The following FBXW12 variants were observed in gnomAD, a reference collection of about 807,000 sequenced individuals.
FBXW12 encodes F-box/WD repeat-containing protein 12.
In FBXW12, 43 loss-of-function variants were observed where a neutral mutation model predicts 55.3. The ratio of observed to expected loss-of-function variants is 0.78; its 90% CI spans 0.61 to 1.00. The LOEUF is 1.00. Among genes scored for constraint, FBXW12 ranks in the 50% least tolerant of loss-of-function variants. The pLI, the probability that FBXW12 is intolerant of heterozygous loss-of-function variation, is 0.00. For synonymous variants in FBXW12, 184 were observed against 203.8 expected (o/e 0.90, Z 0.83); for missense variants, 524 against 560.5 (o/e 0.93, Z 0.66).
At chr3:48,381,358 T>C (rs1295306935) in intron 8 of FBXW12, among the ~76,000 whole-genome samples, 1 of 152,080 alleles carries the variant, frequency 6.6e-6, no homozygotes, top group African/African-American at 2.4e-5. Flanking sequence ...GGTGAACCCA[T>C]CCCAGTTCGA....
chr3:48,372,954 C>A, intron 2 of FBXW12, 97 bp downstream of exon 2: 2 of 1,159,202 alleles, frequency 1.7e-6, no homozygotes, highest in Non-Finnish European at 2.6e-6. Flanking sequence ...TACACTGAGG[C>A]TTTGGGGGTT....
chr3:48,389,887 T>A (rs2036896829), intron 10 of FBXW12, among the ~76,000 whole-genome samples: 1 of 152,182 alleles, frequency 6.6e-6, no homozygotes, highest in African/African-American at 2.4e-5. Context: ...TGGTGAAAAG[T>A]AGGGGTCCAC....
At chr3:48,383,454 G>GT (rs2036805667) in intron 10 of FBXW12, among the ~76,000 whole-genome samples, 1 of 152,020 alleles carries the variant, frequency 6.6e-6, no homozygotes, top group African/African-American at 2.4e-5. Flanking sequence ...TTAATATCGA[G>GT]TTTTGATAGT....
intron 1 of FBXW12, 96 bp downstream of exon 1, chr3:48,372,416 C>T (rs2107148816): frequency 7.1e-7 from 1 of 1,416,474 alleles, no homozygotes; most frequent in East Asian, 2.5e-5. Context: ...AGTGAGTGCA[C>T]TCGGTGACAT....
intron 4 of FBXW12, among the ~76,000 whole-genome samples, chr3:48,375,065 G>A (rs2036663516): frequency 6.6e-6 from 1 of 152,026 alleles, no homozygotes; most frequent in Non-Finnish European, 1.5e-5. Context: ...GCCTGGACTT[G>A]ATAACTCTTT....
chr3:48,385,873 G>A (rs1047611395), intron 10 of FBXW12, among the ~76,000 whole-genome samples: 1 of 152,106 alleles, frequency 6.6e-6, no homozygotes, highest in Admixed American at 6.5e-5. Context: ...TAATATGGTG[G>A]TTTTCTTGCT....
intron 10 of FBXW12, among the ~76,000 whole-genome samples, chr3:48,383,070 T>C (rs2036800494): frequency 1.3e-5 from 2 of 152,240 alleles, no homozygotes; most frequent in African/African-American, 2.4e-5. Context: ...GCAGCTGTTA[T>C]TAACTTTTTT....
intron 10 of FBXW12, among the ~76,000 whole-genome samples, chr3:48,390,668 C>T (rs1194524722): frequency 2.0e-5 from 3 of 151,982 alleles, no homozygotes; most frequent in Non-Finnish European, 4.4e-5. Flanking sequence ...CCTGCCTCAG[C>T]CTCCCAAAGT....
At chr3:48,385,330 G>T (rs1308921786) in intron 10 of FBXW12, among the ~76,000 whole-genome samples, 3 of 141,176 alleles carry the variant, frequency 2.1e-5, no homozygotes, top group African/African-American at 8.1e-5. Context: ...AGGCTAAATG[G>T]TATTCCATTG....
intron 10 of FBXW12, among the ~76,000 whole-genome samples, chr3:48,390,759 T>A (rs2036913470): frequency 6.6e-6 from 1 of 152,102 alleles, no homozygotes; most frequent in South Asian, 2.1e-4. Flanking sequence ...TGTAGAGATC[T>A]TTCACCTCCT....
intron 10 of FBXW12, among the ~76,000 whole-genome samples, chr3:48,385,343 TGTGTGTG>T (rs987858483): frequency 4.4e-5 from 2 of 45,868 alleles, no homozygotes; most frequent in Non-Finnish European, 5.2e-5. Flanking sequence ...TTCCATTGTG[TGTGTGTG>T]TGTGTGTGTG....
At chr3:48,382,461 T>TC in intron 10 of FBXW12, among the ~76,000 whole-genome samples, 1 of 52,536 alleles carries the variant, frequency 1.9e-5, no homozygotes, top group East Asian at 4.4e-4. Context: ...AAAACAGGGG[T>TC]TTTTTTTTTT....
intron 7 of FBXW12, chr3:48,380,148 A>AAT (rs1553792741): frequency 5.7e-4 from 81 of 141,906 alleles, no homozygotes; most frequent in East Asian, 2.1e-3. Flanking sequence ...AAAAAAAAAA[A>AAT]TTTTTTTTTT....
intron 10 of FBXW12, among the ~76,000 whole-genome samples, chr3:48,387,377 G>A (rs1449925920): frequency 1.3e-5 from 2 of 150,206 alleles, no homozygotes; most frequent in Non-Finnish European, 3.0e-5. Context: ...TGTATTTTTT[G>A]GTCAGCCTTA....
At position 48,379,401 on chromosome 3, in the gene FBXW12, T is replaced by C. The variant is rs142594711; in HGVS notation, c.617T>C (p.Val206Ala). 5.2e-5 allele frequency: 84 copies of C among 1,613,212 alleles called. 1 individual carries two copies. The African/African-American group carries it at 8.0e-4, about 15-fold the overall frequency. Residue 206 changes from valine (V) to alanine (A), a missense_variant and splice_region_variant, in exon 7 of 11, where the codon GTT becomes GCT. Transcript: ENST00000296438. Reference protein sequence around the residue: ...YLTKDGPFLMVGDAAGDIYTF... With the variant: ...YLTKDGPFLMAGDAAGDIYTF... ...ATGGTGGGGATGCTTTGGTTTCAGGTTGGCGATGCTGCAGGTGACATCTAC... is the reference window on the plus strand; with the variant it reads ...ATGGTGGGGATGCTTTGGTTTCAGGCTGGCGATGCTGCAGGTGACATCTAC...
intron 1 of FBXW12, 88 bp from the exon 2 acceptor site, chr3:48,372,596 G>C (rs1353305993): frequency 6.8e-7 from 1 of 1,460,412 alleles, no homozygotes; most frequent in East Asian, 2.4e-5. Context: ...CCAGGGGAGA[G>C]GCCGGGGTGG....
intron 10 of FBXW12, among the ~76,000 whole-genome samples, chr3:48,392,450 C>CAAAA (rs33965777): frequency 9.6e-5 from 7 of 72,656 alleles, no homozygotes; most frequent in Admixed American, 1.9e-4. Flanking sequence ...CACTCAGTCT[C>CAAAA]AAAAAAAAAA....
intron 10 of FBXW12, among the ~76,000 whole-genome samples, chr3:48,391,752 TTTTTTG>T (rs2036932742): frequency 6.6e-6 from 1 of 152,134 alleles, no homozygotes; most frequent in Non-Finnish European, 1.5e-5. Flanking sequence ...GATCATATGG[TTTTTTG>T]TTTTTAATTC....
At chr3:48,386,458 C>T (rs2036850013) in intron 10 of FBXW12, among the ~76,000 whole-genome samples, 1 of 152,108 alleles carries the variant, frequency 6.6e-6, no homozygotes, top group Non-Finnish European at 1.5e-5. Context: ...CTCAAGATTG[C>T]TTTGAGTATT....
Sources: gnomAD v4.1 joint callset for allele counts (sites outside exome capture counted in the v4.1 genomes callset) on GRCh38, gnomAD v4.1.1 for gene constraint, MANE v1.5 for transcripts, NCBI Gene and HGNC (gene_info 2026-07-23, HGNC 2026-07-21) for gene names.